TCF4: variants seen among roughly 807,000 people sequenced by gnomAD.
TCF4 encodes SL3-3 enhancer factor 2.
In TCF4, 3 loss-of-function variants were observed where a neutral mutation model predicts 82.1. The observed-to-expected ratio is 0.04, with a 90% CI of 0.02 to 0.09. TCF4 has a LOEUF of 0.09. Among genes scored for constraint, TCF4 ranks in the 10% least tolerant of loss-of-function variants. TCF4 has a pLI of 1.00. For missense variants in TCF4, 518 were observed against 852.7 expected (o/e 0.61, Z 4.89); for synonymous variants, 276 against 309.6 (o/e 0.89, Z 1.14).
At position 55,622,033 on chromosome 18, in the gene TCF4, A is replaced by G. The variant is rs1394019992; in HGVS notation, c.286+9265T>C. Among the ~76,000 whole-genome samples, 17 of 135,228 alleles carry G rather than the reference A, an allele frequency of 1.3e-4. No homozygotes were observed. In the Admixed American group the frequency reaches 1.3e-3, roughly 10 times the overall value. 88.7% of individuals were successfully genotyped at this position (135,228 alleles called of 152,430 possible). Reference sequence around the variant, plus strand: ...ATATATATTATATACACTATATATTATATATACACTATATATAATATATAT... The same window carrying G: ...ATATATATTATATACACTATATATTGTATATACACTATATATAATATATAT... On this transcript the variant is annotated intron_variant, in intron 2 of 20. Coordinates refer to the TCF4 transcript ENST00000398339.
At chr18:55,522,992 C>T (rs1356683089) in intron 3 of TCF4, among the ~76,000 whole-genome samples, 1 of 151,912 alleles carries the variant, frequency 6.6e-6, no homozygotes, top group South Asian at 2.1e-4. Context: ...TTTTAAGACA[C>T]AGAAAATACA....
chr18:55,420,874 A>C (rs1415042430), intron 5 of TCF4, among the ~76,000 whole-genome samples: 3 of 151,548 alleles, frequency 2.0e-5, no homozygotes, highest in Non-Finnish European at 2.9e-5. Flanking sequence ...AAAAAGAACC[A>C]ATCACAGCAG....
intron 5 of TCF4, among the ~76,000 whole-genome samples, chr18:55,424,121 G>A (rs748788523): frequency 1.3e-5 from 2 of 152,142 alleles, no homozygotes; most frequent in African/African-American, 2.4e-5. Context: ...GAAATTTTGT[G>A]TGTGAGTTTC....
At chr18:55,490,165 A>G (rs1364830761) in intron 3 of TCF4, among the ~76,000 whole-genome samples, 1 of 152,240 alleles carries the variant, frequency 6.6e-6, no homozygotes, top group Non-Finnish European at 1.5e-5. Flanking sequence ...AGAAATTAAA[A>G]TAAGAGTTGT....
chr18:55,321,737 A>G (rs1367084310), intron 8 of TCF4: 3 of 1,535,976 alleles, frequency 2.0e-6, no homozygotes, highest in Admixed American at 2.0e-5. Flanking sequence ...TGCGCAGTAC[A>G]TGGTCTCGGA....
chr18:55,633,894 AAACAACAAC>A lies in TCF4; in HGVS notation c.195+1800_195+1808del, dbSNP rs71169310. Among the ~76,000 whole-genome samples, 27 of 150,682 alleles carry A rather than the reference AAACAACAAC, an allele frequency of 1.8e-4. No individual in the cohort carries two copies. Among genetic ancestry groups the A allele is most frequent in the South Asian group, 1.1e-3 (5 of 4,744 alleles). On this transcript the variant is annotated intron_variant, in intron 1 of 20. Coordinates refer to the TCF4 transcript ENST00000398339. The surrounding 1 kb of genome is among the most constrained non-coding windows in gnomAD (Gnocchi z 4.0). ...ACCAAACCAAAACAAAAAAGGCACA[AAACAACAAC>A]AACAACAACAACAACAACAACAACG... is the stretch of plus-strand genomic sequence containing the variant.
chr18:55,460,887 A>T, intron 5 of TCF4, 132 bp downstream of exon 5: 1 of 773,404 alleles, frequency 1.3e-6, no homozygotes, highest in Non-Finnish European at 2.2e-6. Flanking sequence ...TCTGCAATTT[A>T]AGATTATTAC....
At chr18:55,509,819 G>A (rs1051564406) in intron 3 of TCF4, among the ~76,000 whole-genome samples, 5 of 152,100 alleles carry the variant, frequency 3.3e-5, no homozygotes, top group Admixed American at 6.5e-5. Flanking sequence ...GGGGCGGGGG[G>A]AAATCACAGG....
chr18:55,254,712 C>T lies in TCF4; in HGVS notation c.1147-12G>A. 1 of 1,599,528 alleles carries T rather than the reference C, an allele frequency of 6.3e-7. No homozygotes were observed. The highest frequency in any genetic ancestry group is 8.5e-7 in the Non-Finnish European group (1 of 1,172,312). On this transcript the variant is annotated splice_polypyrimidine_tract_variant and intron_variant, in intron 14 of 19. Coordinates refer to ENST00000354452, the MANE Select transcript of TCF4 (RefSeq NM_001083962.2). ...TCAATTCGGCTTTGCTGTTGGTTAA[C>T]AAATGATGTAAAATTTGATTTAGTT...
intron 6 of TCF4, among the ~76,000 whole-genome samples, chr18:55,384,815 G>A (rs570088393): frequency 1.0e-3 from 158 of 152,164 alleles, no homozygotes; most frequent in African/African-American, 3.2e-3. Context: ...TTGGCGGTGG[G>A]GTCAGTGGAT....
At chr18:55,617,412 G>A (rs946554243) in intron 2 of TCF4, among the ~76,000 whole-genome samples, 6 of 151,912 alleles carry the variant, frequency 3.9e-5, no homozygotes, top group Admixed American at 6.6e-5. Flanking sequence ...TTGGCTATTT[G>A]AGATCTTTTG....
chr18:55,283,184 G>A (rs374566323), intron 8 of TCF4, among the ~76,000 whole-genome samples: 1 of 150,602 alleles, frequency 6.6e-6, no homozygotes, highest in East Asian at 1.9e-4. Context: ...TCATTTTACA[G>A]ATTTAATTTT....
At chr18:55,616,242 G>T (rs967475471) in intron 2 of TCF4, among the ~76,000 whole-genome samples, 1 of 152,034 alleles carries the variant, frequency 6.6e-6, no homozygotes, top group Non-Finnish European at 1.5e-5. Flanking sequence ...GTCCTTCTGT[G>T]ACTGGCTTAT....
At position 55,411,731 on chromosome 18, in the gene TCF4, CTTTTTA is replaced by C. The variant is rs1306339601; in HGVS notation, c.305-8219_305-8214del. 5.3e-5 allele frequency among the ~76,000 whole-genome samples: 8 copies of C among 152,130 alleles called. No homozygotes were observed. The East Asian group carries it at 1.4e-3, about 26-fold the overall frequency. On this transcript the variant is annotated intron_variant, in intron 5 of 19. Coordinates refer to ENST00000354452, the MANE Select transcript of TCF4 (RefSeq NM_001083962.2). ...AATTCGGTAGAGTCTGGCATTCTCT[CTTTTTA>C]TTTTTATTTTTTTCTTTTTAAGACA...
intron 6 of TCF4, among the ~76,000 whole-genome samples, chr18:55,391,323 G>T (rs1463161915): frequency 6.6e-6 from 1 of 152,094 alleles, no homozygotes; most frequent in East Asian, 1.9e-4. Context: ...ACTTTCATGA[G>T]TTTTGATCAA....
At chr18:55,425,172 T>G (rs934937041) in intron 5 of TCF4, among the ~76,000 whole-genome samples, 1 of 152,192 alleles carries the variant, frequency 6.6e-6, no homozygotes, top group Non-Finnish European at 1.5e-5. Context: ...CAGGCTAAGT[T>G]GGGTGAGAAA....
intron 2 of TCF4, among the ~76,000 whole-genome samples, chr18:55,586,647 TATTTTCC>T (rs1325952412): frequency 5.3e-5 from 8 of 152,356 alleles, no homozygotes; most frequent in Non-Finnish European, 7.3e-5. Flanking sequence ...TCCTATTTTC[TATTTTCC>T]ATTTCCAAAA....
At chr18:55,554,925 AGT>A (rs2097291395) in intron 3 of TCF4, among the ~76,000 whole-genome samples, 1 of 152,360 alleles carries the variant, frequency 6.6e-6, no homozygotes, top group Admixed American at 6.5e-5. Flanking sequence ...CAAAAACATG[AGT>A]GACAGGGATC....
In TCF4 at chr18:55,227,698, GT is replaced by G. The variant is rs1445565621; in HGVS notation, c.*336del. On this transcript the variant is annotated 3_prime_UTR_variant, in exon 20 of 20. Transcript: ENST00000354452. ...ATTATATTTTTTTTTTCCAAAAGAA[GT>G]TTAGGCACAAATGCATTGTTCCACA... 2 of 151,172 alleles carry G rather than the reference GT, an allele frequency of 1.3e-5. No individual in the cohort carries two copies. The highest frequency in any genetic ancestry group is 1.3e-4 in the Admixed American group (2 of 15,136). 9.4% of individuals were successfully genotyped at this position (151,172 alleles called of 1,614,324 possible).
Sources: gnomAD v4.1 joint callset for allele counts (sites outside exome capture counted in the v4.1 genomes callset) on GRCh38, gnomAD v4.1.1 for gene constraint, Gnocchi (gnomAD v3.1) non-coding constraint, MANE v1.5 for transcripts, NCBI Gene and HGNC (gene_info 2026-07-23, HGNC 2026-07-21) for gene names.